Variants in CHD6 observed in about 807,000 individuals in gnomAD.
CHD6 encodes the protein ATP-dependent chromatin remodeler CHD6.
Under a neutral mutation model 276.9 loss-of-function variants are expected in CHD6, and 50 were observed. That is an observed-to-expected ratio of 0.18 (90% CI 0.14 to 0.23). The LOEUF is 0.23. CHD6 is among the 10% of genes least tolerant of loss of function. The pLI, the probability that CHD6 is intolerant of heterozygous loss-of-function variation, is 1.00. For synonymous variants in CHD6, 1,173 were observed against 1,229.3 expected (o/e 0.95, Z 0.96); for missense variants, 2,564 against 3,365.8 (o/e 0.76, Z 5.89).
chr20:41,512,954 A>G lies in CHD6; in HGVS notation c.744T>C (p.Asn248=), dbSNP rs776729021. 25 of 1,614,034 alleles carry G rather than the reference A, an allele frequency of 1.5e-5. No individual in the cohort carries two copies. The East Asian group carries it at 4.0e-4, about 26-fold the overall frequency. The change falls in exon 5 of 37, where the codon AAT becomes AAC. Residue 248 remains asparagine (N), a synonymous_variant. Transcript: ENST00000373233. ...CCACCACTTTGAAGTCCAGGTCCTC[A>G]TTGTATTTTCTGCGCTTTACTTGCC... The part of the protein sequence containing the change: ...SGRQVKRRKY[N]EDLDFKVVDD...
intron 1 of CHD6, among the ~76,000 whole-genome samples, chr20:41,596,196 G>A (rs1386442601): frequency 6.6e-6 from 1 of 152,032 alleles, no homozygotes; most frequent in Non-Finnish European, 1.5e-5. Flanking sequence ...AATGCCACAG[G>A]GACACTCACA....
At chr20:41,573,951 G>A (rs1316426892) in intron 1 of CHD6, among the ~76,000 whole-genome samples, 1 of 152,130 alleles carries the variant, frequency 6.6e-6, no homozygotes, top group South Asian at 2.1e-4. Flanking sequence ...AGAGACCACA[G>A]GGAAAAGGGC....
chr20:41,426,096 C>T lies in CHD6; in HGVS notation c.4126G>A (p.Ala1376Thr). 3 of 1,608,638 alleles carry T rather than the reference C, an allele frequency of 1.9e-6. No homozygotes were observed. Among genetic ancestry groups the T allele is most frequent in the African/African-American group, 1.3e-5 (1 of 74,942 alleles). Residue 1376 changes from alanine to threonine, a missense_variant, in exon 28 of 37, where the codon GCA becomes ACA. Ala to Thr is a moderately conservative substitution (Grantham distance 58). Coordinates refer to ENST00000373233, the MANE Select transcript of CHD6 (RefSeq NM_032221.5). ...VFSEKKDDSR[A>T]AQDGSDPDKS... Reference sequence around the variant, plus strand: ...CTTCAGAAGGACATAGTCTCACCTGCCCGGCTGTCATCCTTCTTTTCGCTA... The same window carrying T: ...CTTCAGAAGGACATAGTCTCACCTGTCCGGCTGTCATCCTTCTTTTCGCTA...
At chr20:41,458,886 CCCAGGTCCTTCCTTAT>C (rs1372133694) in intron 17 of CHD6, among the ~76,000 whole-genome samples, 1 of 152,046 alleles carries the variant, frequency 6.6e-6, no homozygotes, top group Non-Finnish European at 1.5e-5. Context: ...CACTGGACAC[CCCAGGTCCTTCCTTAT>C]CTTGGCCCAG....
At chr20:41,539,331 C>T (rs978190510) in intron 2 of CHD6, among the ~76,000 whole-genome samples, 9 of 152,242 alleles carry the variant, frequency 5.9e-5, no homozygotes, top group Admixed American at 3.3e-4. Flanking sequence ...GACTGACACA[C>T]ATTAACCTAA....
chr20:41,493,499 T>C lies in CHD6; in HGVS notation c.1314+39A>G, dbSNP rs1211038099. On this transcript the variant is annotated intron_variant, in intron 10 of 36. Transcript: ENST00000373233. ...TGATTGCAAAGTTCATAAAATTACA[T>C]GTTCCGAGAAGTGCCAGAGAGAGAC... is the stretch of plus-strand genomic sequence containing the variant. 4.4e-6 allele frequency: 7 copies of C among 1,593,802 alleles called. No individual in the cohort carries two copies. The Admixed American group carries it at 8.6e-5, about 20-fold the overall frequency.
intron 4 of CHD6, 91 bp downstream of exon 4, chr20:41,514,714 G>C (rs1413355957): frequency 1.4e-6 from 2 of 1,434,222 alleles, no homozygotes; most frequent in Non-Finnish European, 1.9e-6. Context: ...GAGTGTGCTA[G>C]AGAAAGGCAT....
chr20:41,607,133 T>C (rs1173791514), intron 1 of CHD6, among the ~76,000 whole-genome samples: 3 of 152,178 alleles, frequency 2.0e-5, no homozygotes, highest in African/African-American at 7.2e-5. Flanking sequence ...AACTTATCAT[T>C]TGCCTCTGAG....
chr20:41,484,768 A>C (rs1263450722), intron 14 of CHD6, among the ~76,000 whole-genome samples, 161 bp from the exon 15 acceptor site: 1 of 152,166 alleles, frequency 6.6e-6, no homozygotes, highest in African/African-American at 2.4e-5. Flanking sequence ...GAGAGTTTAT[A>C]ATAGTACTGA....
At position 41,402,395 on chromosome 20, in the gene CHD6, A is replaced by G; in HGVS notation, c.*2198T>C. The G allele has an allele frequency of 8.7e-6, 2 of 229,600 alleles. No homozygotes were observed. Among genetic ancestry groups the G allele is most frequent in the Non-Finnish European group, 1.7e-5 (2 of 115,816 alleles). The allele number at this position is 229,600 out of a possible 1,614,324, so 14.2% of individuals were successfully genotyped here. Reference sequence around the variant, plus strand: ...CAGAGAGTTAACATACAGATTCCATAAGGATAACAAGGGATTGAGCATGCT... The same window carrying G: ...CAGAGAGTTAACATACAGATTCCATGAGGATAACAAGGGATTGAGCATGCT... On this transcript the variant is annotated 3_prime_UTR_variant, in exon 37 of 37. Coordinates refer to ENST00000373233, the MANE Select transcript of CHD6 (RefSeq NM_032221.5).
In CHD6 at chr20:41,554,185, A is replaced by G. The variant is rs753916787; in HGVS notation, c.-23-2825T>C. On this transcript the variant is annotated intron_variant, in intron 1 of 36. Coordinates refer to ENST00000373233, the MANE Select transcript of CHD6 (RefSeq NM_032221.5). ...CGAAACACTACAGGAAAACTCTACC[A>G]ATGTTAATAAAAAATTACTTTTGTA... Among the ~76,000 whole-genome samples, 8 of 152,290 alleles carry G rather than the reference A, an allele frequency of 5.3e-5. No individual in the cohort carries two copies. In the East Asian group the frequency reaches 1.4e-3, roughly 26 times the overall value.
At chr20:41,591,633 T>C (rs1027601591) in intron 1 of CHD6, among the ~76,000 whole-genome samples, 5 of 151,916 alleles carry the variant, frequency 3.3e-5, no homozygotes, top group African/African-American at 1.2e-4. Flanking sequence ...GCGGAGGTTG[T>C]GGTAAGCCAA....
rs1420300573 is a variant in CHD6 at position 41,489,779 on chromosome 20, T to G, written c.1679A>C (p.Gln560Pro). Residue 560 changes from glutamine to proline, a missense_variant and splice_region_variant, in exon 12 of 37, where the codon CAG (glutamine) becomes CCG (proline). By Grantham distance (76) the Gln-to-Pro change is moderately conservative. Transcript: ENST00000373233. ...QQYEMVYRDA[Q>P]GNPLSGVFKF... Reference sequence around the variant, plus strand: ...TCTCTGATCTCACGTGAGGCTCACCTGGGCGTCTCTGTACACCATTTCATA... The same window carrying G: ...TCTCTGATCTCACGTGAGGCTCACCGGGGCGTCTCTGTACACCATTTCATA... 6.2e-7 allele frequency: 1 copy of G among 1,613,858 alleles called. No homozygotes were observed. The highest frequency in any genetic ancestry group is 8.5e-7 in the Non-Finnish European group (1 of 1,179,892).
chr20:41,431,775 G>GTTTTTTTTTTTTT (rs1274097382), intron 27 of CHD6, among the ~76,000 whole-genome samples: 1 of 86,114 alleles, frequency 1.2e-5, no homozygotes. Flanking sequence ...GAAAAAACAT[G>GTTTTTTTTTTTTT]CTTTTTTTTT....
chr20:41,524,501 T>A lies in CHD6; in HGVS notation c.554+8549A>T, dbSNP rs1014793088. On this transcript the variant is annotated intron_variant, in intron 3 of 36. Transcript: ENST00000373233. ...GAAAAAGCAGAGTTTTACCAAGTAGTCCTATCAAAAGTAATAAAAGTAACT... is the reference window on the plus strand; with the variant it reads ...GAAAAAGCAGAGTTTTACCAAGTAGACCTATCAAAAGTAATAAAAGTAACT... Among the ~76,000 whole-genome samples the A allele has an allele frequency of 2.0e-5, 3 of 152,232 alleles. No homozygotes were observed. The East Asian group carries it at 5.8e-4, about 29-fold the overall frequency.
intron 5 of CHD6, among the ~76,000 whole-genome samples, chr20:41,502,131 T>A (rs1360472542): frequency 1.3e-5 from 2 of 152,194 alleles, no homozygotes; most frequent in African/African-American, 4.8e-5. Flanking sequence ...TATAATCCAT[T>A]TTATCAATCT....
chr20:41,464,462 G>A (rs1408737030), intron 17 of CHD6, among the ~76,000 whole-genome samples: 1 of 152,124 alleles, frequency 6.6e-6, no homozygotes, highest in Non-Finnish European at 1.5e-5. Context: ...GTGTATACTA[G>A]GATGGAATAA....
chr20:41,424,460 GGAA>G (rs1430249845), intron 29 of CHD6, among the ~76,000 whole-genome samples: 1 of 152,204 alleles, frequency 6.6e-6, no homozygotes, highest in Non-Finnish European at 1.5e-5. Flanking sequence ...TGAGAAGCAG[GGAA>G]GAAGTGGCTC....
chr20:41,571,905 C>T (rs752674158), intron 1 of CHD6, among the ~76,000 whole-genome samples: 5 of 152,210 alleles, frequency 3.3e-5, no homozygotes, highest in Non-Finnish European at 5.9e-5. Flanking sequence ...AGAACATTAG[C>T]ACTACAAATC....
Sources: gnomAD v4.1 joint callset for allele counts (sites outside exome capture counted in the v4.1 genomes callset) on GRCh38, gnomAD v4.1.1 for gene constraint, MANE v1.5 for transcripts, NCBI Gene and HGNC (gene_info 2026-07-23, HGNC 2026-07-21) for gene names.